Variants in KIAA0753 observed in about 807,000 individuals in gnomAD.
The protein encoded by KIAA0753 is KIAA0753, also known as protein moonraker.
In KIAA0753, 114 loss-of-function variants were observed where a neutral mutation model predicts 116.9. The observed-to-expected ratio is 0.98, with a 90% CI of 0.84 to 1.14. The LOEUF (loss-of-function observed/expected upper bound fraction) is 1.14, where lower values mean the gene tolerates loss of function less well. KIAA0753 is among the 50% of genes most tolerant of loss of function. The pLI is 0.00. For synonymous variants in KIAA0753, 405 were observed against 413.1 expected (o/e 0.98, Z 0.24); for missense variants, 1,156 against 1,172.4 (o/e 0.99, Z 0.20).
chr17:6,638,685 TG>T, intron 1 of KIAA0753: 1 of 153,054 alleles, frequency 6.5e-6, no homozygotes, highest in Non-Finnish European at 1.5e-5. Flanking sequence ...CTGCCTCGGC[TG>T]GGGGCCCCCC....
intron 11 of KIAA0753, 82 bp from the exon 12 acceptor site, chr17:6,607,044 C>G (rs575786746): frequency 2.7e-6 from 4 of 1,461,830 alleles, no homozygotes; most frequent in Admixed American, 1.7e-5. Flanking sequence ...TGGCTCCCCC[C>G]TTGGCTTCTT....
chr17:6,628,292 G>A lies in KIAA0753; in HGVS notation c.543C>T (p.Gly181=). ...AATTTGGCACAGTAAGATCTGACTG[G>A]CCTGGATGAGATGAGTAAAGGTATA... is the stretch of plus-strand genomic sequence containing the variant. ...AKVYLYSSHP[G]QSDLTVPNSP... The change falls in exon 3 of 19, where the codon GGC becomes GGT. Residue 181 remains glycine (G), a synonymous_variant. Transcript: ENST00000361413. 2 of 1,614,146 alleles carry A rather than the reference G, an allele frequency of 1.2e-6. No homozygotes were observed. The highest frequency in any genetic ancestry group is 1.7e-6 in the Non-Finnish European group (2 of 1,180,012).
chr17:6,634,266 C>T lies in KIAA0753; in HGVS notation c.93+745G>A, dbSNP rs550198923. On this transcript the variant is annotated intron_variant, in intron 2 of 18. Coordinates refer to ENST00000361413, the MANE Select transcript of KIAA0753 (RefSeq NM_014804.3). ...TATAGGTGTGCACCACCACGCCCAGCTAATTTTTGTATTTTTAGTAGAGAT... is the reference window on the plus strand; with the variant it reads ...TATAGGTGTGCACCACCACGCCCAGTTAATTTTTGTATTTTTAGTAGAGAT... Among the ~76,000 whole-genome samples the T allele has an allele frequency of 4.6e-3, 707 of 152,108 alleles. 2 individuals carry two copies. The highest frequency in any genetic ancestry group is 7.2e-3 in the Non-Finnish European group (489 of 67,952).
intron 16 of KIAA0753, among the ~76,000 whole-genome samples, chr17:6,594,284 C>G (rs866489179): frequency 6.7e-6 from 1 of 149,966 alleles, no homozygotes; most frequent in Admixed American, 6.6e-5. Flanking sequence ...CTGACCCCCC[C>G]CCCCAGAACT....
Position 6,599,293 on chromosome 17 carries a change from T to C in KIAA0753, c.2116A>G (p.Ile706Val), listed in dbSNP as rs201648021. 6.9e-5 allele frequency: 112 copies of C among 1,613,578 alleles called. 1 individual carries two copies. In the African/African-American group the frequency reaches 1.0e-3, roughly 15 times the overall value. ...QRVNSTTEAN[I>V]HLKDGSSVNT... ...ACTGACGAGCCATCTTTCAAATGAA[T>C]ATTTGCTTCTGTAGTAGAATTGACT... Residue 706 changes from isoleucine (I) to valine (V), a missense_variant, in exon 14 of 19, where the codon ATT becomes GTT. Transcript: ENST00000361413.
rs1198226507 is a variant in KIAA0753, at chr17:6,628,132, C to G, written c.703G>C (p.Glu235Gln). The G allele has an allele frequency of 4.4e-6, 7 of 1,607,880 alleles. No homozygotes were observed. The highest frequency in any genetic ancestry group is 1.1e-5 in the South Asian group (1 of 89,908). Residue 235 changes from glutamate (E) to glutamine (Q), a missense_variant, in exon 3 of 19, where the codon GAG becomes CAG. Transcript: ENST00000361413. ...TTTTTCTCACCTTTTTTAGTTACCT[C>G]TTCAATTTTGTGGATACAACTGCTC... ...ELSSCIHKIE[E>Q]VTKKDRLEEA...
Position 6,628,472 on chromosome 17 carries a change from A to G in KIAA0753, c.363T>C (p.His121=). Residue 121 remains histidine, a synonymous_variant, in exon 3 of 19, where the codon CAT becomes CAC. Transcript: ENST00000361413. ...RQFEKHIKEH[H]LRSQPQSSQK... ...GAGAGCTTTGAGGCTGACTTCTGAG[A>G]TGATGTTCTTTTATATGTTTTTCAA... is the stretch of plus-strand genomic sequence containing the variant. 6.2e-7 allele frequency: 1 copy of G among 1,614,168 alleles called. No homozygotes were observed. Among genetic ancestry groups the G allele is most frequent in the South Asian group, 1.1e-5 (1 of 91,088 alleles).
chr17:6,612,503 T>C (rs1423737715), intron 7 of KIAA0753, among the ~76,000 whole-genome samples: 1 of 152,256 alleles, frequency 6.6e-6, no homozygotes, highest in Admixed American at 6.5e-5. Flanking sequence ...CAGTGTCTCC[T>C]AACTGATCTC....
rs1468691565 is a variant in KIAA0753, at chr17:6,639,722, G to A, written c.-69+915C>T. The A allele has an allele frequency of 2.6e-5, 4 of 152,816 alleles. No individual in the cohort carries two copies. Among genetic ancestry groups the A allele is most frequent in the African/African-American group, 4.8e-5 (2 of 41,404 alleles). The allele number at this position is 152,816 out of a possible 1,614,324, so 9.5% of individuals were successfully genotyped here. A position where few individuals can be genotyped will look rare whatever the true frequency, so the allele number is the denominator to read the frequency against. On this transcript the variant is annotated intron_variant, in intron 1 of 18. Transcript: ENST00000361413. The surrounding 1 kb of genome is among the most constrained non-coding windows in gnomAD (Gnocchi z 4.3). ...CGGCCAGGAACACCCCTTTCGACAG[G>A]TCCCTCTCCTGCAGGCACGGGATGG...
At chr17:6,614,931 C>G (rs577664752) in intron 7 of KIAA0753, among the ~76,000 whole-genome samples, 1 of 152,040 alleles carries the variant, frequency 6.6e-6, no homozygotes, top group Non-Finnish European at 1.5e-5. Context: ...CCTGAGCAGC[C>G]GGGATTACAG....
chr17:6,636,700 G>A (rs1434234373), intron 1 of KIAA0753: 1 of 152,484 alleles, frequency 6.6e-6, no homozygotes, highest in Non-Finnish European at 1.5e-5. Context: ...CTTACAGCCA[G>A]TGCCTTCATC....
chr17:6,618,821 AAG>A (rs1210698720), intron 7 of KIAA0753, among the ~76,000 whole-genome samples: 4 of 152,242 alleles, frequency 2.6e-5, no homozygotes, highest in Admixed American at 2.6e-4. Flanking sequence ...AATTACAACA[AAG>A]AAAAAAACTT....
chr17:6,632,392 A>G (rs1488605696), intron 2 of KIAA0753, among the ~76,000 whole-genome samples: 1 of 152,188 alleles, frequency 6.6e-6, no homozygotes, highest in Non-Finnish European at 1.5e-5. Context: ...ATAAATAAGT[A>G]AGTACTAGGA....
At chr17:6,620,702 G>A in intron 7 of KIAA0753, 86 bp downstream of exon 7, 1 of 1,345,720 alleles carries the variant, frequency 7.4e-7, no homozygotes, top group Non-Finnish European at 1.1e-6. Flanking sequence ...CCTAAATCCT[G>A]ACTTTCCCCT....
chr17:6,600,367 C>CTAGA lies in KIAA0753; in HGVS notation c.2088+9_2088+12dup, dbSNP rs1351011155. 2 of 1,607,764 alleles carry CTAGA rather than the reference C, an allele frequency of 1.2e-6. No homozygotes were observed. Among genetic ancestry groups the CTAGA allele is most frequent in the African/African-American group, 2.7e-5 (2 of 74,794 alleles). On this transcript the variant is annotated intron_variant, in intron 13 of 18. Transcript: ENST00000361413. ...CCAAAAAGCAAGCAAATGAAACGAACTAGATAGATTACCTGGGCCTTGACC... is the reference window on the plus strand; with the variant it reads ...CCAAAAAGCAAGCAAATGAAACGAACTAGATAGATAGATTACCTGGGCCTTGACC...
At chr17:6,583,590 G>T (rs573328495) in intron 18 of KIAA0753, among the ~76,000 whole-genome samples, 1 of 152,002 alleles carries the variant, frequency 6.6e-6, no homozygotes, top group Non-Finnish European at 1.5e-5. Flanking sequence ...TCTGTCCTAT[G>T]TTCCAAGTCT....
intron 1 of KIAA0753, chr17:6,636,008 C>A (rs1972300144): frequency 6.6e-6 from 1 of 152,174 alleles, no homozygotes; most frequent in Non-Finnish European, 1.5e-5. Context: ...GCATAGTACA[C>A]AATTTAGCAT....
Position 6,579,370 on chromosome 17 carries a change from A to G in KIAA0753, c.*377T>C, listed in dbSNP as rs1967976749. On this transcript the variant is annotated 3_prime_UTR_variant, in exon 19 of 19. Coordinates refer to ENST00000361413, the MANE Select transcript of KIAA0753 (RefSeq NM_014804.3). ...TTGGTATCAATGCCAGCAAGGGTTC[A>G]ACAGCAACCTGAATCCTTGTGTGAA... 1 of 174,838 alleles carries G rather than the reference A, an allele frequency of 5.7e-6. No individual in the cohort carries two copies. Among genetic ancestry groups the G allele is most frequent in the Admixed American group, 5.9e-5 (1 of 16,866 alleles). The allele number at this position is 174,838 out of a possible 1,614,324, so 10.8% of individuals were successfully genotyped here. A position where few individuals can be genotyped will look rare whatever the true frequency, so the allele number is the denominator to read the frequency against.
At chr17:6,588,391 G>C (rs1968738742) in intron 18 of KIAA0753, among the ~76,000 whole-genome samples, 1 of 152,126 alleles carries the variant, frequency 6.6e-6, no homozygotes, top group African/African-American at 2.4e-5. Context: ...GGAGACGTAA[G>C]CTAACAGGAA....
Sources: allele counts gnomAD v4.1 joint callset (sites outside exome capture counted in the v4.1 genomes callset), GRCh38; gene constraint gnomAD v4.1.1; non-coding constraint Gnocchi (gnomAD v3.1); transcripts MANE v1.5; gene names NCBI Gene and HGNC (gene_info 2026-07-23, HGNC 2026-07-21).